Variants in TMEFF2 observed in about 807,000 individuals in gnomAD.
The protein encoded by TMEFF2 is tomoregulin-2.
Under a neutral mutation model 53.8 loss-of-function variants are expected in TMEFF2, and 28 were observed. The observed-to-expected ratio is 0.52, with a 90% CI of 0.39 to 0.71. The LOEUF is 0.71. Among genes scored for constraint, TMEFF2 ranks in the 30% least tolerant of loss-of-function variants. TMEFF2 has a pLI of 0.00. For missense variants in TMEFF2, 353 were observed against 455.2 expected (o/e 0.78, Z 2.04); for synonymous variants, 162 against 166.3 (o/e 0.97, Z 0.20).
chr2:192,092,476 C>T (rs998571381), intron 4 of TMEFF2, among the ~76,000 whole-genome samples: 1 of 152,096 alleles, frequency 6.6e-6, no homozygotes, highest in Non-Finnish European at 1.5e-5. Context: ...ATCTTCAGTG[C>T]TCCCAACAAC....
At chr2:192,023,853 A>T (rs1686912688) in intron 5 of TMEFF2, among the ~76,000 whole-genome samples, 1 of 152,156 alleles carries the variant, frequency 6.6e-6, no homozygotes, top group Non-Finnish European at 1.5e-5. Flanking sequence ...GGCAGACTAT[A>T]CTCATTGGAT....
intron 4 of TMEFF2, among the ~76,000 whole-genome samples, chr2:192,120,768 G>C (rs372754999): frequency 6.7e-6 from 1 of 150,324 alleles, no homozygotes; most frequent in Non-Finnish European, 1.5e-5. Context: ...ATGGAGTCTC[G>C]CTCTGTCGCC....
chr2:192,051,177 C>G (rs1336349155), intron 5 of TMEFF2, among the ~76,000 whole-genome samples: 2 of 149,610 alleles, frequency 1.3e-5, no homozygotes, highest in African/African-American at 2.4e-5. Flanking sequence ...GCCATGCACA[C>G]ATTCAAAAAA....
intron 4 of TMEFF2, among the ~76,000 whole-genome samples, chr2:192,108,537 T>G (rs1215326720): frequency 6.6e-6 from 1 of 151,900 alleles, no homozygotes; most frequent in African/African-American, 2.4e-5. Flanking sequence ...TTCTAAATTA[T>G]CAAACACTGA....
chr2:192,003,880 G>A (rs968902584), intron 5 of TMEFF2, among the ~76,000 whole-genome samples: 1 of 148,080 alleles, frequency 6.8e-6, no homozygotes, highest in Non-Finnish European at 1.5e-5. Context: ...TCATGGGGTA[G>A]AGGTGGTTTT....
At chr2:191,976,190 G>A (rs1052561670) in intron 7 of TMEFF2, among the ~76,000 whole-genome samples, 1 of 152,056 alleles carries the variant, frequency 6.6e-6, no homozygotes, top group African/African-American at 2.4e-5. Flanking sequence ...TATTAGTTAT[G>A]GGGCCCAAAT....
At chr2:192,049,145 T>G (rs1413996238) in intron 5 of TMEFF2, among the ~76,000 whole-genome samples, 2 of 65,252 alleles carry the variant, frequency 3.1e-5, no homozygotes, top group African/African-American at 8.4e-5. Context: ...GATAGATACA[T>G]TTGGTCTATG....
At chr2:192,146,866 T>C (rs1204835136) in intron 4 of TMEFF2, among the ~76,000 whole-genome samples, 1 of 152,158 alleles carries the variant, frequency 6.6e-6, no homozygotes, top group Non-Finnish European at 1.5e-5. Flanking sequence ...TAAGCAATAC[T>C]GGTTGTCTAT....
intron 7 of TMEFF2, among the ~76,000 whole-genome samples, chr2:191,988,091 A>G (rs1371967746): frequency 6.6e-6 from 1 of 152,224 alleles, no homozygotes; most frequent in Admixed American, 6.5e-5. Context: ...CTTCAATATT[A>G]GAATATAGCA....
intron 4 of TMEFF2, among the ~76,000 whole-genome samples, chr2:192,153,681 T>G (rs1263510683): frequency 1.3e-5 from 2 of 151,900 alleles, no homozygotes; most frequent in African/African-American, 4.8e-5. Flanking sequence ...AATCAACACC[T>G]GTGGTATGAA....
chr2:191,999,813 A>G (rs1686313054), intron 5 of TMEFF2, among the ~76,000 whole-genome samples: 1 of 151,946 alleles, frequency 6.6e-6, no homozygotes, highest in Admixed American at 6.6e-5. Flanking sequence ...CTCTCCCCAG[A>G]AATATCCATA....
rs543061450 is a variant in TMEFF2 at position 192,106,241 on chromosome 2, G to T, written c.440-48466C>A. 3.3e-5 allele frequency among the ~76,000 whole-genome samples: 5 copies of T among 151,776 alleles called. No homozygotes were observed. In the South Asian group the frequency reaches 1.0e-3, roughly 31 times the overall value. On this transcript the variant is annotated intron_variant, in intron 4 of 9. Transcript: ENST00000272771. ...AAGATAAAAAAGGTCATGATAAACT[G>T]CCATTAAACACAAAAATATATGTAC...
rs527878843 is a variant in TMEFF2 at position 192,116,926 on chromosome 2, G to T, written c.440-59151C>A. 2.9e-5 allele frequency among the ~76,000 whole-genome samples: 4 copies of T among 138,840 alleles called. No individual in the cohort carries two copies. The South Asian group carries it at 9.9e-4, about 34-fold the overall frequency. 91.1% of individuals were successfully genotyped at this position (138,840 alleles called of 152,430 possible). A position where few individuals can be genotyped will look rare whatever the true frequency, so the allele number is the denominator to read the frequency against. Reference sequence around the variant, plus strand: ...GAGATCAAACATCTATGGCTCAATAGTCATTCAGAACAATGACATCTTATT... The same window carrying T: ...GAGATCAAACATCTATGGCTCAATATTCATTCAGAACAATGACATCTTATT... On this transcript the variant is annotated intron_variant, in intron 4 of 9. Coordinates refer to ENST00000272771, the MANE Select transcript of TMEFF2 (RefSeq NM_016192.4).
At chr2:192,055,769 C>A in intron 5 of TMEFF2, among the ~76,000 whole-genome samples, 1 of 88,358 alleles carries the variant, frequency 1.1e-5, no homozygotes. Flanking sequence ...AGTGAGACTC[C>A]ATCTCAAAAA....
chr2:192,069,971 T>TGA (rs1688249396), intron 4 of TMEFF2, among the ~76,000 whole-genome samples: 1 of 10,322 alleles, frequency 9.7e-5, no homozygotes, highest in African/African-American at 3.1e-4. Context: ...AAAATGTGTG[T>TGA]GTGTGTGTGT....
At chr2:192,172,171 C>T (rs967389387) in intron 4 of TMEFF2, among the ~76,000 whole-genome samples, 3 of 151,504 alleles carry the variant, frequency 2.0e-5, no homozygotes, top group African/African-American at 7.3e-5. Flanking sequence ...AAAGGCCATC[C>T]CATCTTGAGA....
intron 4 of TMEFF2, among the ~76,000 whole-genome samples, chr2:192,096,138 A>G (rs13406558): frequency 0.14 from 20,598 of 152,094 alleles, 1,429 homozygotes; most frequent in East Asian, 0.2. Flanking sequence ...AGCGGTTGAT[A>G]TTACTTAACT....
chr2:192,104,845 A>G (rs528782992), intron 4 of TMEFF2, among the ~76,000 whole-genome samples: 2 of 152,172 alleles, frequency 1.3e-5, no homozygotes, highest in African/African-American at 4.8e-5. Flanking sequence ...TATATTGAAC[A>G]TTTCGAATCT....
intron 4 of TMEFF2, among the ~76,000 whole-genome samples, chr2:192,151,397 C>T (rs896303897): frequency 2.0e-5 from 3 of 151,770 alleles, no homozygotes; most frequent in Non-Finnish European, 4.4e-5. Context: ...AAGATGATCA[C>T]CATGGCTGTA....
Sources: gnomAD v4.1 joint callset for allele counts (sites outside exome capture counted in the v4.1 genomes callset) on GRCh38, gnomAD v4.1.1 for gene constraint, MANE v1.5 for transcripts, NCBI Gene and HGNC (gene_info 2026-07-23, HGNC 2026-07-21) for gene names.